Variants in LRRTM4 observed in about 807,000 individuals in gnomAD.
LRRTM4 encodes the protein leucine rich repeat transmembrane neuronal 4, also known as leucine-rich repeat transmembrane neuronal protein 4.
LRRTM4 carries 25 observed loss-of-function variants against 47.6 expected under a neutral mutation model. The ratio of observed to expected loss-of-function variants is 0.53; its 90% CI spans 0.38 to 0.73. The LOEUF (loss-of-function observed/expected upper bound fraction) is 0.73, where lower values mean the gene tolerates loss of function less well. LRRTM4 is among the 30% of genes least tolerant of loss of function. LRRTM4 has a pLI of 0.00. For synonymous variants in LRRTM4, 311 were observed against 269.5 expected, an observed-to-expected ratio of 1.15 and a Z score of -1.51; for missense variants, 638 against 713.4, an observed-to-expected ratio of 0.89 and a Z score of 1.20.
At position 76,802,083 on chromosome 2, in the gene LRRTM4, G is replaced by A. The variant is rs139038362; in HGVS notation, c.1552-53167C>T. ...GAACAAGACAAGGATGCCCACTATT[G>A]CCACTTTTATTCAATACAGTATTGA... On this transcript the variant is annotated intron_variant, in intron 3 of 3. Transcript: ENST00000409884. Among the ~76,000 whole-genome samples, 392 of 152,084 alleles carry A rather than the reference G, an allele frequency of 2.6e-3. 2 individuals are homozygous for A. Among genetic ancestry groups the A allele is most frequent in the African/African-American group, 9.1e-3 (376 of 41,504 alleles).
At chr2:76,904,804 T>C (rs1673766791) in intron 3 of LRRTM4, among the ~76,000 whole-genome samples, 2 of 152,132 alleles carry the variant, frequency 1.3e-5, no homozygotes, top group African/African-American at 2.4e-5. Context: ...TATATAAGAA[T>C]ACCTACCACA....
intron 3 of LRRTM4, among the ~76,000 whole-genome samples, chr2:77,088,673 G>T (rs1047988836): frequency 6.6e-6 from 1 of 152,152 alleles, no homozygotes; most frequent in Non-Finnish European, 1.5e-5. Flanking sequence ...GGACGCGCAT[G>T]AAATTTGGTG....
At chr2:77,135,575 T>C (rs917368624) in intron 3 of LRRTM4, among the ~76,000 whole-genome samples, 6 of 152,354 alleles carry the variant, frequency 3.9e-5, no homozygotes, top group African/African-American at 1.4e-4. Context: ...AATATTTACT[T>C]ATTACAATGA....
intron 3 of LRRTM4, among the ~76,000 whole-genome samples, chr2:76,876,695 C>G (rs1672788879): frequency 6.6e-6 from 1 of 151,946 alleles, no homozygotes; most frequent in African/African-American, 2.4e-5. Flanking sequence ...ACACTATTAA[C>G]ATGACTTTTA....
At chr2:77,214,609 A>C (rs1251587386) in intron 3 of LRRTM4, among the ~76,000 whole-genome samples, 1 of 152,146 alleles carries the variant, frequency 6.6e-6, no homozygotes, top group East Asian at 1.9e-4. Context: ...ATAGTTTTTC[A>C]TGTTACATAT....
At chr2:76,899,771 A>C (rs546124896) in intron 3 of LRRTM4, among the ~76,000 whole-genome samples, 14 of 152,322 alleles carry the variant, frequency 9.2e-5, no homozygotes, top group South Asian at 6.2e-4. Flanking sequence ...AAACAGGTGA[A>C]ATATTGGTAA....
chr2:76,902,815 G>A (rs1359915644), intron 3 of LRRTM4, among the ~76,000 whole-genome samples: 1 of 152,002 alleles, frequency 6.6e-6, no homozygotes, highest in Non-Finnish European at 1.5e-5. Flanking sequence ...ACATTAGATG[G>A]CCCCAAATTG....
chr2:77,350,510 A>C (rs2104295132), intron 3 of LRRTM4, among the ~76,000 whole-genome samples: 1 of 152,148 alleles, frequency 6.6e-6, no homozygotes, highest in East Asian at 1.9e-4. Flanking sequence ...TTAAGGTATA[A>C]CTTTGTAATC....
At chr2:77,191,550 C>T (rs1049259569) in intron 3 of LRRTM4, among the ~76,000 whole-genome samples, 2 of 150,890 alleles carry the variant, frequency 1.3e-5, no homozygotes. Flanking sequence ...TCACTAATAC[C>T]AATTAAAATT....
chr2:77,138,982 T>G (rs906742213), intron 3 of LRRTM4, among the ~76,000 whole-genome samples: 1 of 152,138 alleles, frequency 6.6e-6, no homozygotes, highest in African/African-American at 2.4e-5. Context: ...CAATAATTAA[T>G]AGTCTACCAA....
At chr2:76,887,063 T>G (rs1673100110) in intron 3 of LRRTM4, among the ~76,000 whole-genome samples, 1 of 151,874 alleles carries the variant, frequency 6.6e-6, no homozygotes, top group South Asian at 2.1e-4. Context: ...TAATTATTAC[T>G]TTTTAAAACT....
At chr2:77,364,192 A>T (rs1323643429) in intron 3 of LRRTM4, among the ~76,000 whole-genome samples, 1 of 152,062 alleles carries the variant, frequency 6.6e-6, no homozygotes, top group Non-Finnish European at 1.5e-5. Context: ...TGCATTCAAC[A>T]TCAGCACACC....
At chr2:77,254,409 A>C (rs917444098) in intron 3 of LRRTM4, among the ~76,000 whole-genome samples, 6 of 151,964 alleles carry the variant, frequency 3.9e-5, no homozygotes, top group Admixed American at 3.3e-4. Context: ...CTGTTGCCAA[A>C]CTTACCCTAA....
chr2:77,174,804 A>T (rs1673147508), intron 3 of LRRTM4, among the ~76,000 whole-genome samples: 1 of 149,586 alleles, frequency 6.7e-6, no homozygotes, highest in South Asian at 2.1e-4. Flanking sequence ...CCCTCGCCCC[A>T]CCCCACAACA....
At chr2:77,353,723 G>T (rs942833175) in intron 3 of LRRTM4, among the ~76,000 whole-genome samples, 1 of 151,596 alleles carries the variant, frequency 6.6e-6, no homozygotes, top group African/African-American at 2.4e-5. Context: ...AAGTTTTAGG[G>T]TACATGTGTC....
intron 3 of LRRTM4, among the ~76,000 whole-genome samples, chr2:76,812,558 A>G (rs1248719422): frequency 6.6e-6 from 1 of 152,160 alleles, no homozygotes; most frequent in African/African-American, 2.4e-5. Flanking sequence ...CATGGGTTTG[A>G]TAAGAGCCTG....
intron 3 of LRRTM4, among the ~76,000 whole-genome samples, chr2:76,843,517 T>C (rs1671748087): frequency 6.6e-6 from 1 of 152,178 alleles, no homozygotes; most frequent in Non-Finnish European, 1.5e-5. Flanking sequence ...CAGTTCTCAT[T>C]CATGAACAAT....
intron 3 of LRRTM4, among the ~76,000 whole-genome samples, chr2:77,295,977 G>A (rs184378231): frequency 4.6e-5 from 7 of 152,192 alleles, no homozygotes; most frequent in South Asian, 2.1e-4. Context: ...ATAACCTGTC[G>A]AATATATTTG....
At chr2:76,997,047 G>A (rs1389890891) in intron 3 of LRRTM4, among the ~76,000 whole-genome samples, 2 of 152,136 alleles carry the variant, frequency 1.3e-5, no homozygotes, top group Non-Finnish European at 2.9e-5. Flanking sequence ...GTGATTTTGA[G>A]TATTTATGCA....
Sources: gnomAD v4.1 joint callset for allele counts (sites outside exome capture counted in the v4.1 genomes callset) on GRCh38, gnomAD v4.1.1 for gene constraint, MANE v1.5 for transcripts, NCBI Gene and HGNC (gene_info 2026-07-23, HGNC 2026-07-21) for gene names.